Variants in ST7 observed in about 807,000 individuals in gnomAD.
ST7 encodes the protein suppression of tumorigenicity 7, also known as suppressor of tumorigenicity 7 protein.
ST7 carries 28 observed loss-of-function variants against 78.7 expected under a neutral mutation model. The ratio of observed to expected loss-of-function variants is 0.36; its 90% CI spans 0.26 to 0.49. The LOEUF (loss-of-function observed/expected upper bound fraction) is 0.49, where lower values mean the gene tolerates loss of function less well. Among genes scored for constraint, ST7 ranks in the 20% least tolerant of loss-of-function variants. The pLI is 0.99. For missense variants in ST7, 418 were observed against 696.0 expected (o/e 0.60, Z 4.49); for synonymous variants, 247 against 249.6 (o/e 0.99, Z 0.10).
intron 1 of ST7, among the ~76,000 whole-genome samples, chr7:117,078,600 A>G (rs933482488): frequency 1.3e-5 from 2 of 152,250 alleles, no homozygotes; most frequent in African/African-American, 4.8e-5. Context: ...CGAGCTGGAC[A>G]GAGCTGAATG....
chr7:116,984,977 A>G (rs959468356), intron 1 of ST7, among the ~76,000 whole-genome samples: 1 of 152,216 alleles, frequency 6.6e-6, no homozygotes, highest in South Asian at 2.1e-4. Flanking sequence ...TGTACCATCA[A>G]TGGTAACTGT....
intron 3 of ST7, among the ~76,000 whole-genome samples, chr7:117,128,107 C>G (rs1362137256): frequency 6.6e-6 from 1 of 151,774 alleles, no homozygotes; most frequent in Non-Finnish European, 1.5e-5. Flanking sequence ...ATAATTCTAC[C>G]ACGAGGATCC....
At chr7:117,060,818 C>T (rs1415790919) in intron 1 of ST7, among the ~76,000 whole-genome samples, 1 of 151,998 alleles carries the variant, frequency 6.6e-6, no homozygotes, top group African/African-American at 2.4e-5. Context: ...CCAGCCTGGC[C>T]AACATGGTGA....
At chr7:117,172,978 C>A (rs1267316558) in intron 10 of ST7, among the ~76,000 whole-genome samples, 1 of 152,186 alleles carries the variant, frequency 6.6e-6, no homozygotes, top group Admixed American at 6.5e-5. Flanking sequence ...TCTAACTATT[C>A]CATTGCACAG....
At chr7:117,089,143 G>A (rs899687233) in intron 1 of ST7, among the ~76,000 whole-genome samples, 2 of 152,214 alleles carry the variant, frequency 1.3e-5, no homozygotes, top group African/African-American at 4.8e-5. Context: ...GCTGAGTTAA[G>A]AGTACTAGCT....
At chr7:117,165,204 T>C (rs1280512957) in intron 9 of ST7, among the ~76,000 whole-genome samples, 1 of 152,130 alleles carries the variant, frequency 6.6e-6, no homozygotes, top group African/African-American at 2.4e-5. Flanking sequence ...AAAGTTACGC[T>C]TAGGAGCTGG....
chr7:117,163,476 C>T lies in ST7; in HGVS notation c.964-7386C>T, dbSNP rs551268662. On this transcript the variant is annotated intron_variant, in intron 9 of 15. Transcript: ENST00000323984. The stretch of plus-strand genomic sequence containing the variant: ...ATTTATTTATTTTTGGTCTTTTTTA[C>T]AATAGCCATTCTAACTGGGAGGAGA... Among the ~76,000 whole-genome samples the T allele has an allele frequency of 2.0e-5, 3 of 152,136 alleles. 1 individual carries two copies. The highest frequency in any genetic ancestry group is 7.2e-5 in the African/African-American group (3 of 41,522).
At chr7:116,999,804 C>A (rs376057522) in intron 1 of ST7, among the ~76,000 whole-genome samples, 1 of 61,238 alleles carries the variant, frequency 1.6e-5, no homozygotes, top group African/African-American at 5.9e-5. Context: ...CTAGAATTTT[C>A]TTTCTTTTTT....
At chr7:117,012,838 C>T (rs542825299) in intron 1 of ST7, among the ~76,000 whole-genome samples, 4 of 152,198 alleles carry the variant, frequency 2.6e-5, no homozygotes, top group Admixed American at 2.6e-4. Flanking sequence ...GTTTGCTAAG[C>T]CTGGCTTTTA....
intron 9 of ST7, among the ~76,000 whole-genome samples, chr7:117,156,278 C>T (rs1007422421): frequency 2.0e-5 from 3 of 151,978 alleles, no homozygotes; most frequent in East Asian, 1.9e-4. Flanking sequence ...TAAAATGAAT[C>T]GAATAGATTG....
At chr7:116,963,036 G>C (rs904417999) in intron 1 of ST7, among the ~76,000 whole-genome samples, 1 of 152,188 alleles carries the variant, frequency 6.6e-6, no homozygotes, top group African/African-American at 2.4e-5. Flanking sequence ...AGGCATTATA[G>C]TAGGTCTTTT....
intron 1 of ST7, among the ~76,000 whole-genome samples, chr7:117,068,160 G>A (rs1426682111): frequency 6.6e-6 from 1 of 152,010 alleles, no homozygotes; most frequent in African/African-American, 2.4e-5. Flanking sequence ...TAGGATGCTT[G>A]GTCTTATTTT....
intron 10 of ST7, among the ~76,000 whole-genome samples, chr7:117,186,949 A>G (rs1809318348): frequency 6.6e-6 from 1 of 152,240 alleles, no homozygotes; most frequent in Non-Finnish European, 1.5e-5. Context: ...CTGGGTAGTC[A>G]AAATGTAAAA....
At chr7:117,176,551 G>A (rs575835424) in intron 10 of ST7, among the ~76,000 whole-genome samples, 5 of 152,214 alleles carry the variant, frequency 3.3e-5, no homozygotes, top group Admixed American at 2.0e-4. Context: ...TAAAAATTTC[G>A]TAAACCTTGC....
intron 1 of ST7, among the ~76,000 whole-genome samples, chr7:116,983,731 A>G (rs945651754): frequency 6.6e-6 from 1 of 152,090 alleles, no homozygotes; most frequent in Non-Finnish European, 1.5e-5. Context: ...AAGCATAGAT[A>G]CCTACCTCGC....
chr7:116,983,538 C>T (rs2116340269), intron 1 of ST7, among the ~76,000 whole-genome samples: 1 of 152,300 alleles, frequency 6.6e-6, no homozygotes, highest in African/African-American at 2.4e-5. Context: ...CCCCCTTCCC[C>T]TAGGGGATGC....
intron 1 of ST7, among the ~76,000 whole-genome samples, chr7:116,958,115 C>T (rs751103732): frequency 2.0e-5 from 3 of 151,652 alleles, no homozygotes; most frequent in Non-Finnish European, 4.4e-5. Flanking sequence ...CCTGCCACCT[C>T]AGTCTTAGTA....
chr7:117,101,567 G>A (rs1262566812), intron 2 of ST7, among the ~76,000 whole-genome samples: 6 of 152,108 alleles, frequency 3.9e-5, no homozygotes, highest in African/African-American at 1.4e-4. Flanking sequence ...CTCCACATAT[G>A]GTCAAAGGTA....
Position 117,167,469 on chromosome 7 carries a change from T to G in ST7, c.964-3393T>G, listed in dbSNP as rs146201588. Among the ~76,000 whole-genome samples, 14 of 151,946 alleles carry G rather than the reference T, an allele frequency of 9.2e-5. No individual in the cohort carries two copies. In the East Asian group the frequency reaches 2.7e-3, roughly 30 times the overall value. ...AAATACCAAGGAGGGAAGAACAGGT[T>G]TGAAGGGTTGGCCTGGGAAGGGGGA... On this transcript the variant is annotated intron_variant, in intron 9 of 15. Coordinates refer to ENST00000323984, the MANE Select transcript of ST7 (RefSeq NM_001369598.1).
Sources: gnomAD v4.1 joint callset for allele counts (sites outside exome capture counted in the v4.1 genomes callset) on GRCh38, gnomAD v4.1.1 for gene constraint, MANE v1.5 for transcripts, NCBI Gene and HGNC (gene_info 2026-07-23, HGNC 2026-07-21) for gene names.